Variants in AUTS2 observed in about 807,000 individuals in gnomAD.
The protein encoded by AUTS2 is activator of transcription and developmental regulator AUTS2.
A neutral mutation model predicts 112.4 loss-of-function variants in AUTS2; 17 were observed. The observed-to-expected ratio is 0.15, with a 90% confidence interval of 0.10 to 0.23. The LOEUF is 0.23. AUTS2 is among the 10% of genes least tolerant of loss of function. The probability of loss-of-function intolerance (pLI) is 1.00; values close to 1 mark genes in which losing one functional copy is unlikely to be tolerated. For synonymous variants in AUTS2, 751 were observed against 702.7 expected (o/e 1.07, Z -1.09); for missense variants, 1,510 against 1,701.6 (o/e 0.89, Z 1.98).
chr7:70,598,276 T>A (rs1172047896), intron 5 of AUTS2, among the ~76,000 whole-genome samples: 1 of 152,212 alleles, frequency 6.6e-6, no homozygotes, highest in Non-Finnish European at 1.5e-5. Flanking sequence ...TAGAAAGTTG[T>A]GTCCTTCCAG....
intron 5 of AUTS2, among the ~76,000 whole-genome samples, chr7:70,552,751 T>A (rs1801065753): frequency 6.6e-6 from 1 of 151,994 alleles, no homozygotes; most frequent in Non-Finnish European, 1.5e-5. Flanking sequence ...ATGGCCCAGA[T>A]CCCCCAAATC....
At chr7:70,439,127 C>A (rs1796016233) in intron 5 of AUTS2, among the ~76,000 whole-genome samples, 1 of 152,220 alleles carries the variant, frequency 6.6e-6, no homozygotes, top group African/African-American at 2.4e-5. Flanking sequence ...GCAGGAGACA[C>A]ACTTGTGCAC....
Position 69,599,768 on chromosome 7 carries a change from G to C in AUTS2, c.115G>C (p.Gly39Arg). 1 of 1,402,082 alleles carries C rather than the reference G, an allele frequency of 7.1e-7. No individual in the cohort carries two copies. The highest frequency in any genetic ancestry group is 9.3e-7 in the Non-Finnish European group (1 of 1,080,488). 86.9% of individuals were successfully genotyped at this position (1,402,082 alleles called of 1,614,324 possible). A position where few individuals can be genotyped will look rare whatever the true frequency, so the allele number is the denominator to read the frequency against. Reference protein sequence around the residue: ...GLGAGAAGGGGAGRTRALSLA... With the variant: ...GLGAGAAGGGRAGRTRALSLA... ...GGGGGCCGGCGCGGCCGGCGGCGGC[G>C]GGGCTGGCCGGACCCGGGCGCTCTC... Residue 39 changes from glycine to arginine, a missense_variant, in exon 1 of 19, where the codon GGG (glycine) becomes CGG (arginine). Coordinates refer to ENST00000342771, the MANE Select transcript of AUTS2 (RefSeq NM_015570.4). The surrounding 1 kb of genome is among the most constrained non-coding windows in gnomAD (Gnocchi z 7.0).
chr7:69,737,436 C>A (rs1026601814), intron 1 of AUTS2, among the ~76,000 whole-genome samples: 2 of 152,122 alleles, frequency 1.3e-5, no homozygotes, highest in Non-Finnish European at 2.9e-5. Flanking sequence ...TAGTAAAAGT[C>A]GGGCAGAGTC....
chr7:69,759,947 A>G (rs940988164), intron 1 of AUTS2, among the ~76,000 whole-genome samples: 12 of 151,842 alleles, frequency 7.9e-5, no homozygotes, highest in African/African-American at 2.7e-4. Flanking sequence ...TTATGCTTGC[A>G]TTCTTGCATT....
chr7:70,510,880 G>A (rs1027699239), intron 5 of AUTS2, among the ~76,000 whole-genome samples: 2 of 151,724 alleles, frequency 1.3e-5, no homozygotes, highest in Non-Finnish European at 2.9e-5. Flanking sequence ...ACGGAATCTT[G>A]CTCTGTCACC....
chr7:70,000,855 G>T (rs1009456308), intron 2 of AUTS2, among the ~76,000 whole-genome samples: 1 of 151,476 alleles, frequency 6.6e-6, no homozygotes, highest in East Asian at 1.9e-4. Flanking sequence ...TCTTTTGCCC[G>T]CCTCCTTTAA....
At chr7:70,194,753 G>C (rs969569738) in intron 4 of AUTS2, 1 of 152,202 alleles carries the variant, frequency 6.6e-6, no homozygotes, top group African/African-American at 2.4e-5. Context: ...AGATAATTTA[G>C]GATGACTTAT....
At chr7:69,626,866 T>G (rs559461657) in intron 1 of AUTS2, among the ~76,000 whole-genome samples, 3 of 152,228 alleles carry the variant, frequency 2.0e-5, no homozygotes, top group Non-Finnish European at 4.4e-5. Flanking sequence ...ATCTGACAGC[T>G]AAATAGCCTG....
chr7:70,006,803 A>G (rs926943980), intron 2 of AUTS2, among the ~76,000 whole-genome samples: 3 of 152,134 alleles, frequency 2.0e-5, no homozygotes, highest in Admixed American at 6.6e-5. Flanking sequence ...GTCATGTCTC[A>G]TGGGAAATGC....
chr7:70,762,525 C>T (rs930807034), intron 6 of AUTS2, among the ~76,000 whole-genome samples: 1 of 152,102 alleles, frequency 6.6e-6, no homozygotes, highest in African/African-American at 2.4e-5. Context: ...AACTCGGCCT[C>T]TCAAAGTGTT....
At chr7:69,993,141 A>G (rs1366030836) in intron 2 of AUTS2, among the ~76,000 whole-genome samples, 1 of 152,220 alleles carries the variant, frequency 6.6e-6, no homozygotes, top group Admixed American at 6.5e-5. Flanking sequence ...AGAGACAAAG[A>G]CGATGACTGT....
At chr7:70,264,310 C>T (rs1255811441) in intron 4 of AUTS2, among the ~76,000 whole-genome samples, 6 of 152,106 alleles carry the variant, frequency 3.9e-5, no homozygotes, top group South Asian at 4.1e-4. Context: ...TGGGTTCAAG[C>T]GATCCTCCTG....
At chr7:69,636,488 C>CCG (rs1554337482) in intron 1 of AUTS2, among the ~76,000 whole-genome samples, 1 of 88,920 alleles carries the variant, frequency 1.1e-5, no homozygotes, top group South Asian at 4.7e-4. Flanking sequence ...GCGCCCCCCC[C>CCG]CCCCCTTGGC....
intron 4 of AUTS2, among the ~76,000 whole-genome samples, chr7:70,376,035 A>G (rs1303493299): frequency 1.3e-5 from 2 of 151,370 alleles, no homozygotes; most frequent in African/African-American, 2.4e-5. Flanking sequence ...AAAAAAAAAG[A>G]AGAAGAAGTG....
At chr7:70,364,323 G>A (rs953250907) in intron 4 of AUTS2, among the ~76,000 whole-genome samples, 6 of 151,978 alleles carry the variant, frequency 3.9e-5, no homozygotes, top group Non-Finnish European at 8.8e-5. Flanking sequence ...CAGCACTTTG[G>A]GAGGCCAAGA....
chr7:70,765,119 T>G, intron 8 of AUTS2, 114 bp downstream of exon 8: 1 of 1,396,722 alleles, frequency 7.2e-7, no homozygotes, highest in South Asian at 1.4e-5. Flanking sequence ...ATTTTTTCCT[T>G]CCTTACTGTG....
intron 1 of AUTS2, among the ~76,000 whole-genome samples, chr7:69,724,225 A>G (rs936667080): frequency 6.6e-6 from 1 of 152,222 alleles, no homozygotes; most frequent in Admixed American, 6.5e-5. Context: ...CTTTGTCTGT[A>G]AAATGATTAA....
chr7:70,787,446 C>G lies in AUTS2; in HGVS notation c.2531+15C>G. 6.4e-7 allele frequency: 1 copy of G among 1,574,696 alleles called. No homozygotes were observed. On this transcript the variant is annotated intron_variant, in intron 18 of 18. Coordinates refer to ENST00000342771, the MANE Select transcript of AUTS2 (RefSeq NM_015570.4). Reference sequence around the variant, plus strand: ...GACAAAGAAAGGTACGGAAAGAAACCGCTCTCGAGTCCCCACGGGGGAGCC... The same window carrying G: ...GACAAAGAAAGGTACGGAAAGAAACGGCTCTCGAGTCCCCACGGGGGAGCC...
Sources: gnomAD v4.1 joint callset for allele counts (sites outside exome capture counted in the v4.1 genomes callset) on GRCh38, gnomAD v4.1.1 for gene constraint, Gnocchi (gnomAD v3.1) non-coding constraint, MANE v1.5 for transcripts, NCBI Gene and HGNC (gene_info 2026-07-23, HGNC 2026-07-21) for gene names.